The following SPTBN5 variants were observed in gnomAD, a reference collection of about 807,000 sequenced individuals.
The protein encoded by SPTBN5 is spectrin beta, non-erythrocytic 5, also known as spectrin beta chain, non-erythrocytic 5.
A neutral mutation model predicts 477.6 loss-of-function variants in SPTBN5; 513 were observed. The ratio of observed to expected loss-of-function variants is 1.07; its 90% CI spans 1.00 to 1.16. The LOEUF (loss-of-function observed/expected upper bound fraction) is 1.16. SPTBN5 is among the 50% of genes most tolerant of loss of function. The pLI is 0.00. For synonymous variants in SPTBN5, 2,169 were observed against 2,011.7 expected, an observed-to-expected ratio of 1.08 and a Z score of -2.09; for missense variants, 5,062 against 4,731.8, an observed-to-expected ratio of 1.07 and a Z score of -2.05.
chr15:41,877,901 T>A lies in SPTBN5; in HGVS notation c.3470+441A>T, dbSNP rs2004230. Among the ~76,000 whole-genome samples, 123 of 152,264 alleles carry A rather than the reference T, an allele frequency of 8.1e-4. 1 individual carries two copies. In the East Asian group the frequency reaches 0.021, roughly 26 times the overall value. On this transcript the variant is annotated intron_variant, in intron 17 of 67. Coordinates refer to ENST00000320955, the MANE Select transcript of SPTBN5 (RefSeq NM_016642.4). ...GTGGCCTTGCCTGCCTGCCAGCCCA[T>A]AACGTCATCCCTGCAGGAGGAGAGG...
chr15:41,881,724 C>T lies in SPTBN5; in HGVS notation c.2457+212G>A, dbSNP rs112630908. ...AGGCCAAGCTGTATTTGGATGCCCT[C>T]GGTTGACGTGGGCAGACAGGATTCC... On this transcript the variant is annotated intron_variant, in intron 12 of 67. Transcript: ENST00000320955. Among the ~76,000 whole-genome samples the T allele has an allele frequency of 3.8e-3, 578 of 152,296 alleles. 5 individuals are homozygous for T. Among genetic ancestry groups the T allele is most frequent in the African/African-American group, 0.013 (543 of 41,560 alleles).
chr15:41,887,555 GT>G (rs2067194142), intron 5 of SPTBN5, 114 bp from the exon 6 acceptor site: 9 of 861,350 alleles, frequency 1.0e-5, no homozygotes, highest in Non-Finnish European at 1.6e-5. Flanking sequence ...TTGTGAATTC[GT>G]TTTCCCGACA....
rs1296737395 is a variant in SPTBN5, at chr15:41,857,256, G to A, written c.8603C>T (p.Ala2868Val). The A allele has an allele frequency of 6.3e-7, 1 of 1,583,342 alleles. No individual in the cohort carries two copies. The highest frequency in any genetic ancestry group is 2.3e-5 in the East Asian group (1 of 43,452). ...HCLAQDVEEQ[A>V]RRLLQRFKSL... is the part of the protein sequence containing the mutation. ...GATCTACCTCTGAAGCAGCCGCCGG[G>A]CCTGCTCTTCCACATCTTGGGCAAG... Residue 2868 changes from alanine to valine, a missense_variant, in exon 51 of 68, where the codon GCC (alanine) becomes GTC (valine). By Grantham distance (64) the Ala-to-Val change is moderately conservative (BLOSUM62 0). Coordinates refer to ENST00000320955, the MANE Select transcript of SPTBN5 (RefSeq NM_016642.4).
chr15:41,871,245 TG>T, intron 29 of SPTBN5, 129 bp downstream of exon 29: 2 of 1,121,572 alleles, frequency 1.8e-6, no homozygotes, highest in Non-Finnish European at 2.3e-6. Flanking sequence ...CTAGGCCCCC[TG>T]CAGAGCCCCG....
At position 41,873,229 on chromosome 15, in the gene SPTBN5, A is replaced by G. The variant is rs372873423; in HGVS notation, c.5007+263T>C. ...AGGGGTGGGGTAGAGAGGAAGCAAG[A>G]GGAGGCGGAGAAACCCCAAGGCCAC... On this transcript the variant is annotated intron_variant, in intron 26 of 67. Coordinates refer to ENST00000320955, the MANE Select transcript of SPTBN5 (RefSeq NM_016642.4). Among the ~76,000 whole-genome samples the G allele has an allele frequency of 4.6e-5, 7 of 152,248 alleles. No homozygotes were observed. The East Asian group carries it at 1.4e-3, about 29-fold the overall frequency.
chr15:41,854,842 C>T lies in SPTBN5; in HGVS notation c.9558G>A (p.Gln3186=). Residue 3186 remains glutamine, a synonymous_variant, in exon 56 of 68, where the codon CAG becomes CAA. Transcript: ENST00000320955. ...CCCAAGCAGCCTCAATGCGGCTCCTCTGGGCTTGGATGTGGGGATAGCGCC... is the reference window on the plus strand; with the variant it reads ...CCCAAGCAGCCTCAATGCGGCTCCTTTGGGCTTGGATGTGGGGATAGCGCC... ...APRRYPHIQA[Q]RSRIEAAWER... The T allele has an allele frequency of 6.2e-7, 1 of 1,605,020 alleles. No individual in the cohort carries two copies. Among genetic ancestry groups the T allele is most frequent in the East Asian group, 2.2e-5 (1 of 44,546 alleles).
Position 41,862,895 on chromosome 15 carries a change from C to A in SPTBN5, c.7158G>T (p.Leu2386=). ...CTTTCCCACAGTCCAGGGCCTGGAT[C>A]AGGGCTTCCTGGAGGAGGGGCACGG... is the stretch of plus-strand genomic sequence containing the variant. ...VTKRIQEKEA[L]IQALDCGKDL... is the part of the protein sequence containing the mutation. The change falls in exon 42 of 68, where the codon CTG becomes CTT. Residue 2386 remains leucine, a synonymous_variant. Coordinates refer to ENST00000320955, the MANE Select transcript of SPTBN5 (RefSeq NM_016642.4). 1 of 1,577,124 alleles carries A rather than the reference C, an allele frequency of 6.3e-7. No homozygotes were observed. Among genetic ancestry groups the A allele is most frequent in the Non-Finnish European group, 8.6e-7 (1 of 1,162,162 alleles).
chr15:41,876,973 A>G, intron 18 of SPTBN5, 25 bp from the exon 19 acceptor site: 1 of 1,594,222 alleles, frequency 6.3e-7, no homozygotes, highest in African/African-American at 1.3e-5. Flanking sequence ...ACCTGAGGTC[A>G]TGCCTGGGAG....
intron 47 of SPTBN5, among the ~76,000 whole-genome samples, chr15:41,859,244 C>G (rs990141751): frequency 1.3e-5 from 2 of 152,132 alleles, no homozygotes; most frequent in African/African-American, 4.8e-5. Context: ...CTGCAACCTC[C>G]ACCTCCCGGG....
In SPTBN5 at chr15:41,890,162, T is replaced by C; in HGVS notation, c.428A>G (p.Asp143Gly). The C allele has an allele frequency of 6.2e-7, 1 of 1,613,224 alleles. No individual in the cohort carries two copies. The highest frequency in any genetic ancestry group is 1.1e-5 in the South Asian group (1 of 90,768). The change falls in exon 4 of 68, where the codon GAC becomes GGC. Residue 143 changes from aspartate to glycine, a missense_variant. Transcript: ENST00000320955. Reference sequence around the variant, plus strand: ...GATGAGTCCCAGGATGAGTGTCTGGTCTCCGTCCACGATGTTCTCTGGCCC... The same window carrying C: ...GATGAGTCCCAGGATGAGTGTCTGGCCTCCGTCCACGATGTTCTCTGGCCC... ...LIGPENIVDG[D>G]QTLILGLIWV...
rs373431456 is a variant in SPTBN5 at position 41,863,812 on chromosome 15, C to T, written c.7041G>A (p.Ala2347=). 51 of 1,613,744 alleles carry T rather than the reference C, an allele frequency of 3.2e-5. No homozygotes were observed. The African/African-American group carries it at 4.0e-4, about 13-fold the overall frequency. The change falls in exon 41 of 68, where the codon GCG becomes GCA. Residue 2347 remains alanine, a synonymous_variant. Transcript: ENST00000320955. The part of the protein sequence containing the change: ...QRRSQLNNRW[A]SFHGNLLRYQ... Reference sequence around the variant, plus strand: ...ACCGGAGCAAGTTGCCATGGAAACTCGCCCACCTGGCCAAGGGGTGGTGGT... The same window carrying T: ...ACCGGAGCAAGTTGCCATGGAAACTTGCCCACCTGGCCAAGGGGTGGTGGT...
chr15:41,869,809 A>G (rs1425865364), intron 32 of SPTBN5, 32 bp downstream of exon 32: 1 of 1,525,098 alleles, frequency 6.6e-7, no homozygotes, highest in Non-Finnish European at 8.7e-7. Flanking sequence ...ACACATGCAC[A>G]CACACACCAC....
rs904772064 is a variant in SPTBN5, at chr15:41,881,139, C to G, written c.2553G>C (p.Lys851Asn). ...GGTCAGGCTCAGCTGGGAGGGCCAT[C>G]TTCCAGGCATCCCCAGGGCCAGGGT... is the stretch of plus-strand genomic sequence containing the variant. Reference protein sequence around the residue: ...SCHPGPGDAWKMALPAEPDPD... With the variant: ...SCHPGPGDAWNMALPAEPDPD... Residue 851 changes from lysine (K) to asparagine (N), a missense_variant, in exon 13 of 68, where the codon AAG (lysine) becomes AAC (asparagine). Lys to Asn is a moderately conservative substitution (Grantham distance 94). Transcript: ENST00000320955. 1 of 1,613,762 alleles carries G rather than the reference C, an allele frequency of 6.2e-7. No individual in the cohort carries two copies. The highest frequency in any genetic ancestry group is 8.5e-7 in the Non-Finnish European group (1 of 1,179,868).
rs1007369364 is a variant in SPTBN5 at position 41,880,056 on chromosome 15, C to G, written c.2811+104G>C. ...TTCAGGCCAGCTCTCTGCTCCCCTC[C>G]CCCAGGCAGGACGGTAGTTAAATTG... is the stretch of plus-strand genomic sequence containing the variant. On this transcript the variant is annotated intron_variant, in intron 14 of 67. Transcript: ENST00000320955. 4.8e-6 allele frequency: 7 copies of G among 1,449,762 alleles called. No individual in the cohort carries two copies. The African/African-American group carries it at 5.7e-5, about 12-fold the overall frequency. 89.8% of individuals were successfully genotyped at this position (1,449,762 alleles called of 1,614,324 possible). A position where few individuals can be genotyped will look rare whatever the true frequency, so the allele number is the denominator to read the frequency against.
At position 41,871,931 on chromosome 15, in the gene SPTBN5, C is replaced by A. The variant is rs1244372526; in HGVS notation, c.5166-14G>T. The A allele has an allele frequency of 6.5e-7, 1 of 1,539,678 alleles. No homozygotes were observed. The highest frequency in any genetic ancestry group is 2.4e-5 in the East Asian group (1 of 41,776). ...AGTTCCCGGTCCCTGTGGTAACAGT[C>A]CGTGGTTCCCCAGAAGTGAGTTGCC... On this transcript the variant is annotated splice_polypyrimidine_tract_variant and intron_variant, in intron 27 of 67. Transcript: ENST00000320955.
intron 59 of SPTBN5, 102 bp from the exon 60 acceptor site, chr15:41,853,102 G>T (rs2065826821): frequency 1.4e-6 from 2 of 1,431,638 alleles, no homozygotes; most frequent in South Asian, 1.5e-5. Context: ...CAGAGGGAAG[G>T]CTGTGAGACC....
chr15:41,857,624 C>T lies in SPTBN5; in HGVS notation c.8313G>A (p.Glu2771=), dbSNP rs781664441. Residue 2771 remains glutamate (E), a synonymous_variant, in exon 50 of 68, where the codon GAG becomes GAA. Coordinates refer to ENST00000320955, the MANE Select transcript of SPTBN5 (RefSeq NM_016642.4). Reference sequence around the variant, plus strand: ...CCTTCTTCTGGGAGTTGTCTTGCAGCTCACCCCAGAGTGCTCCCAGCTCCT... The same window carrying T: ...CCTTCTTCTGGGAGTTGTCTTGCAGTTCACCCCAGAGTGCTCCCAGCTCCT... ...RLEELGALWG[E]LQDNSQKKVA... The T allele has an allele frequency of 6.2e-7, 1 of 1,605,024 alleles. No homozygotes were observed. Among genetic ancestry groups the T allele is most frequent in the Non-Finnish European group, 8.5e-7 (1 of 1,176,040 alleles).
In SPTBN5 at chr15:41,866,478, G is replaced by A. The variant is rs1317966560; in HGVS notation, c.6496C>T (p.Gln2166Ter). 4.4e-6 allele frequency: 7 copies of A among 1,579,728 alleles called. No individual in the cohort carries two copies. The highest frequency in any genetic ancestry group is 1.4e-5 in the African/African-American group (1 of 73,410). The change falls in exon 37 of 68, where the codon CAG becomes TAG. Residue 2166 changes from glutamine to a stop codon, truncating the protein, a stop_gained. Transcript: ENST00000320955. LOFTEE classifies it high-confidence loss of function. ...TCCTTCAGCTGCTGGGCCCACGCCT[G>A]GATCCAGTCCTCAGCCTGGTGGGGG... ...QAATQAEDWI[Q>*]AWAQQLKEPV...
rs752760330 is a variant in SPTBN5, at chr15:41,852,657, ACTTCT to A, written c.10421_10425del (p.Glu3474ValfsTer48). 2 of 1,613,348 alleles carry A rather than the reference ACTTCT, an allele frequency of 1.2e-6. No individual in the cohort carries two copies. Among genetic ancestry groups the A allele is most frequent in the Non-Finnish European group, 1.7e-6 (2 of 1,179,848 alleles). ...ACCTCTGTCTTTTGCATTTGGGCAAACTTCTCTTCCTGGGCTGCCAGCAGCTTTTC... is the reference window on the plus strand; with the variant it reads ...ACCTCTGTCTTTTGCATTTGGGCAAACTTCCTGGGCTGCCAGCAGCTTTTC... On this transcript the variant is annotated frameshift_variant, in exon 61 of 68. Coordinates refer to ENST00000320955, the MANE Select transcript of SPTBN5 (RefSeq NM_016642.4). LOFTEE classifies it high-confidence loss of function.
Sources: gnomAD v4.1 joint callset for allele counts (sites outside exome capture counted in the v4.1 genomes callset) on GRCh38, gnomAD v4.1.1 for gene constraint, MANE v1.5 for transcripts, NCBI Gene and HGNC (gene_info 2026-07-23, HGNC 2026-07-21) for gene names.